The following OOSP4B variants were observed in gnomAD, a reference collection of about 807,000 sequenced individuals.
The protein encoded by OOSP4B is oocyte secreted protein family member 4B.
intron 1 of OOSP4B, among the ~76,000 whole-genome samples, chr11:60,017,948 T>C (rs1176573207): frequency 2.0e-5 from 3 of 152,218 alleles, no homozygotes; most frequent in Admixed American, 2.0e-4. Flanking sequence ...TGGGAAACAG[T>C]TGAGCCCCAG....
At chr11:60,022,534 G>C (rs1854702678) in intron 1 of OOSP4B, among the ~76,000 whole-genome samples, 1 of 152,160 alleles carries the variant, frequency 6.6e-6, no homozygotes, top group Non-Finnish European at 1.5e-5. Flanking sequence ...TATCAAGTTG[G>C]TAACCTCAGG....
rs1316333428 is a variant in OOSP4B, at chr11:60,030,789, C to T, written c.451-13C>T. 5.0e-6 allele frequency: 2 copies of T among 398,008 alleles called. No individual in the cohort carries two copies. The highest frequency in any genetic ancestry group is 8.9e-6 in the Non-Finnish European group (2 of 225,842). The allele number at this position is 398,008 out of a possible 1,614,324, so 24.7% of individuals were successfully genotyped here. On this transcript the variant is annotated splice_polypyrimidine_tract_variant and intron_variant, in intron 4 of 4. Coordinates refer to ENST00000642343, the Ensembl canonical transcript of OOSP4B. Reference sequence around the variant, plus strand: ...TAAGCAGCTCTTAACTGCTTTTCCCCCCTATCCTACAGGAGCAACTATCCA... The same window carrying T: ...TAAGCAGCTCTTAACTGCTTTTCCCTCCTATCCTACAGGAGCAACTATCCA...
chr11:60,023,125 A>G (rs1180805387), intron 1 of OOSP4B, among the ~76,000 whole-genome samples: 1 of 152,224 alleles, frequency 6.6e-6, no homozygotes, highest in African/African-American at 2.4e-5. Flanking sequence ...GATAATAATG[A>G]CTACGTTCAC....
In OOSP4B at chr11:60,022,277, C is replaced by T. The variant is rs140626219; in HGVS notation, c.23-1603C>T. 1.2e-4 allele frequency: 18 copies of T among 152,234 alleles called. No homozygotes were observed. The East Asian group carries it at 2.7e-3, about 23-fold the overall frequency. The allele number at this position is 152,234 out of a possible 1,614,324, so 9.4% of individuals were successfully genotyped here. ...ATTACAATTCCCGTTTCGACATGGA[C>T]CAAGAAGGACATTGTACCATAGTCC... On this transcript the variant is annotated intron_variant, in intron 1 of 4. Transcript: ENST00000642343.
chr11:60,019,093 C>T (rs544351473), intron 1 of OOSP4B, among the ~76,000 whole-genome samples: 3 of 151,924 alleles, frequency 2.0e-5, no homozygotes, highest in Non-Finnish European at 4.4e-5. Context: ...CATGGTGGTG[C>T]GTGCCTGTAA....
chr11:60,025,217 A>G lies in OOSP4B; in HGVS notation c.302+212A>G, dbSNP rs577897754. On this transcript the variant is annotated intron_variant, in intron 3 of 4. Transcript: ENST00000642343. ...TTCTACCATTTTGCTAAACTTTGTTACACAATCATTTCCCCATCTATCAAT... is the reference window on the plus strand; with the variant it reads ...TTCTACCATTTTGCTAAACTTTGTTGCACAATCATTTCCCCATCTATCAAT... Among the ~76,000 whole-genome samples, 12 of 152,336 alleles carry G rather than the reference A, an allele frequency of 7.9e-5. No homozygotes were observed. The East Asian group carries it at 2.3e-3, about 29-fold the overall frequency.
intron 1 of OOSP4B, among the ~76,000 whole-genome samples, chr11:60,022,952 A>C (rs1854709148): frequency 6.6e-6 from 1 of 152,184 alleles, no homozygotes; most frequent in South Asian, 2.1e-4. Context: ...ATGGATGGAG[A>C]TCTATCTCTA....
intron 3 of OOSP4B, among the ~76,000 whole-genome samples, chr11:60,025,488 C>T (rs1160950065): frequency 6.6e-6 from 1 of 152,208 alleles, no homozygotes; most frequent in African/African-American, 2.4e-5. Flanking sequence ...CCACACCTCA[C>T]TGTTCTTGTC....
chr11:60,025,180 A>G lies in OOSP4B; in HGVS notation c.302+175A>G, dbSNP rs141766707. Among the ~76,000 whole-genome samples, 162 of 152,336 alleles carry G rather than the reference A, an allele frequency of 1.1e-3. 1 individual carries two copies. The highest frequency in any genetic ancestry group is 3.4e-3 in the African/African-American group (141 of 41,584). ...TGTACAGAATTGAAGGAATTTATAT[A>G]TAGTACCTAGATTCTACCATTTTGC... On this transcript the variant is annotated intron_variant, in intron 3 of 4. Coordinates refer to ENST00000642343, the Ensembl canonical transcript of OOSP4B.
chr11:60,029,602 C>G (rs1854783618), intron 3 of OOSP4B, among the ~76,000 whole-genome samples, 180 bp from the exon 4 acceptor site: 1 of 152,174 alleles, frequency 6.6e-6, no homozygotes, highest in African/African-American at 2.4e-5. Flanking sequence ...TAAGTACCAT[C>G]CTATTCAAGG....
intron 1 of OOSP4B, among the ~76,000 whole-genome samples, chr11:60,020,258 C>T (rs1033665346): frequency 6.6e-6 from 1 of 152,220 alleles, no homozygotes; most frequent in Non-Finnish European, 1.5e-5. Context: ...AGTGTGCCCG[C>T]ACTCCTCAGC....
At chr11:60,028,581 T>A (rs1242472941) in intron 3 of OOSP4B, among the ~76,000 whole-genome samples, 1 of 152,190 alleles carries the variant, frequency 6.6e-6, no homozygotes, top group Non-Finnish European at 1.5e-5. Flanking sequence ...TAATACTAGA[T>A]TTTCATACTT....
At chr11:60,022,497 GTTC>G (rs1329056563) in intron 1 of OOSP4B, among the ~76,000 whole-genome samples, 1 of 152,180 alleles carries the variant, frequency 6.6e-6, no homozygotes, top group Non-Finnish European at 1.5e-5. Context: ...TTGCGTCTCT[GTTC>G]TTCTAGCTGT....
At chr11:60,028,059 A>G (rs1387191000) in intron 3 of OOSP4B, among the ~76,000 whole-genome samples, 1 of 150,530 alleles carries the variant, frequency 6.6e-6, no homozygotes, top group Non-Finnish European at 1.5e-5. Context: ...TTAAATTCCT[A>G]CTTCTGATTC....
chr11:60,029,780 A>G lies in OOSP4B; in HGVS notation c.303-2A>G, dbSNP rs984827792. 7.5e-6 allele frequency: 3 copies of G among 398,232 alleles called. No homozygotes were observed. Among genetic ancestry groups the G allele is most frequent in the Admixed American group, 8.8e-5 (2 of 22,716 alleles). The allele number at this position is 398,232 out of a possible 1,614,324, so 24.7% of individuals were successfully genotyped here. ...CTTTTCTTTTGTTTGCTCTGCATTTAGGCTTAAATTCCCCTCTGTGATGCA... is the reference window on the plus strand; with the variant it reads ...CTTTTCTTTTGTTTGCTCTGCATTTGGGCTTAAATTCCCCTCTGTGATGCA... On this transcript the variant is annotated splice_acceptor_variant, in intron 3 of 4. Coordinates refer to ENST00000642343, the Ensembl canonical transcript of OOSP4B. LOFTEE classifies it high-confidence loss of function.
At chr11:60,024,365 C>G (rs1056821369) in intron 2 of OOSP4B, among the ~76,000 whole-genome samples, 12 of 152,264 alleles carry the variant, frequency 7.9e-5, no homozygotes, top group African/African-American at 2.6e-4. Context: ...CATGGTTAAA[C>G]CCAGTCTCTG....
chr11:60,023,824 A>G, intron 1 of OOSP4B, 56 bp from the exon 2 acceptor site: 1 of 398,224 alleles, frequency 2.5e-6, no homozygotes, highest in South Asian at 1.3e-4. Context: ...CTGATAGTGT[A>G]ATGTCTTGGG....
chr11:60,030,761 A>G (rs1343133386), intron 4 of OOSP4B, 41 bp from the exon 5 acceptor site: 1 of 398,132 alleles, frequency 2.5e-6, no homozygotes, highest in Non-Finnish European at 4.4e-6. Context: ...GTAAGGTTAT[A>G]TTTAAGCAGC....
Position 60,024,075 on chromosome 11 carries a change from T to G in OOSP4B, c.204+14T>G, listed in dbSNP as rs1337093850. 5 of 398,458 alleles carry G rather than the reference T, an allele frequency of 1.3e-5. No individual in the cohort carries two copies. The highest frequency in any genetic ancestry group is 2.2e-5 in the Non-Finnish European group (5 of 226,062). 24.7% of individuals were successfully genotyped at this position (398,458 alleles called of 1,614,324 possible). On this transcript the variant is annotated intron_variant, in intron 2 of 4. Transcript: ENST00000642343. ...ATCAAGAAAATTGTAAGTGCCATGA[T>G]GCTTTTCCCTAAAACATATACTGAA...
Sources: gnomAD v4.1 joint callset for allele counts (sites outside exome capture counted in the v4.1 genomes callset) on GRCh38, gnomAD v4.1.1 for gene constraint, MANE v1.5 for transcripts, NCBI Gene and HGNC (gene_info 2026-07-23, HGNC 2026-07-21) for gene names.